The following GRIN2B variants were observed in gnomAD, a reference collection of about 807,000 sequenced individuals.
GRIN2B encodes the protein glutamate ionotropic receptor NMDA type subunit 2B.
A neutral mutation model predicts 114.5 loss-of-function variants in GRIN2B; 5 were observed. The ratio of observed to expected loss-of-function variants is 0.04; its 90% CI spans 0.02 to 0.09. GRIN2B has a LOEUF of 0.09. Ranked by LOEUF, GRIN2B falls within the 10% of genes least tolerant of loss-of-function variation. The pLI, the probability that GRIN2B is intolerant of heterozygous loss-of-function variation, is 1.00. For missense variants in GRIN2B, 1,108 were observed against 1,943.5 expected, an observed-to-expected ratio of 0.57 and a Z score of 8.08; for synonymous variants, 787 against 745.1, an observed-to-expected ratio of 1.06 and a Z score of -0.92.
At chr12:13,834,104 C>T (rs1865206772) in intron 3 of GRIN2B, among the ~76,000 whole-genome samples, 1 of 138,046 alleles carries the variant, frequency 7.2e-6, no homozygotes, top group African/African-American at 2.7e-5. Context: ...AATCTTGGCT[C>T]ACTGCAAGCT....
At chr12:13,835,771 TAAAAA>T (rs1165005583) in intron 3 of GRIN2B, among the ~76,000 whole-genome samples, 3 of 91,492 alleles carry the variant, frequency 3.3e-5, no homozygotes, top group Middle Eastern at 6.9e-3. Flanking sequence ...CATAGCACAT[TAAAAA>T]AAAAAAAAAA....
chr12:13,716,290 A>C (rs994419350), intron 4 of GRIN2B, among the ~76,000 whole-genome samples: 9 of 151,950 alleles, frequency 5.9e-5, no homozygotes, highest in African/African-American at 2.2e-4. Context: ...ATTTAGAGAC[A>C]GGAGAGTATA....
chr12:13,673,643 G>A (rs1374793724), intron 5 of GRIN2B, among the ~76,000 whole-genome samples: 1 of 152,014 alleles, frequency 6.6e-6, no homozygotes, highest in African/African-American at 2.4e-5. Context: ...AATTGGTGAG[G>A]GAAGGGATCC....
Position 13,809,866 on chromosome 12 carries a change from T to C in GRIN2B, c.411+55932A>G, listed in dbSNP as rs145225140. On this transcript the variant is annotated intron_variant, in intron 3 of 13. Transcript: ENST00000609686. ...AAACAGAAGTTCTCCAATTTTTTTC[T>C]ACACACTTAGAACATGACCCAGAAA... 2.3e-3 allele frequency among the ~76,000 whole-genome samples: 354 copies of C among 152,334 alleles called. 7 individuals are homozygous for C. The highest frequency in any genetic ancestry group is 9.7e-4 in the Non-Finnish European group (66 of 68,026).
At chr12:13,851,091 C>T (rs1046690058) in intron 3 of GRIN2B, among the ~76,000 whole-genome samples, 3 of 152,094 alleles carry the variant, frequency 2.0e-5, no homozygotes, top group Non-Finnish European at 4.4e-5. Context: ...TGGCCCACCC[C>T]ACTCTCCTCC....
intron 3 of GRIN2B, among the ~76,000 whole-genome samples, chr12:13,850,866 G>A (rs922314811): frequency 1.3e-5 from 2 of 151,834 alleles, no homozygotes; most frequent in Non-Finnish European, 2.9e-5. Flanking sequence ...TTAATAGTGC[G>A]GGCCAGTTGC....
Position 13,964,306 on chromosome 12 carries a change from A to G in GRIN2B, c.-19+15622T>C, listed in dbSNP as rs768169981. On this transcript the variant is annotated intron_variant, in intron 2 of 13. Transcript: ENST00000609686. ...ATCAATTCTGCCTTCTTCTCTAGAC[A>G]TTTTTGCCCAAATCTCAGCTCCTGG... Among the ~76,000 whole-genome samples, 20 of 152,096 alleles carry G rather than the reference A, an allele frequency of 1.3e-4. 1 individual carries two copies. The highest frequency in any genetic ancestry group is 1.0e-3 in the Admixed American group (16 of 15,268).
chr12:13,571,691 T>C, intron 11 of GRIN2B, 113 bp downstream of exon 11: 3 of 1,135,798 alleles, frequency 2.6e-6, no homozygotes, highest in Non-Finnish European at 4.0e-6. Context: ...AATGAAGTCT[T>C]CTTTAACATT....
At chr12:13,970,637 T>A (rs1265478138) in intron 2 of GRIN2B, among the ~76,000 whole-genome samples, 1 of 151,588 alleles carries the variant, frequency 6.6e-6, no homozygotes, top group African/African-American at 2.4e-5. Flanking sequence ...CTTTAACAAA[T>A]TTGATCACTT....
intron 3 of GRIN2B, among the ~76,000 whole-genome samples, chr12:13,860,179 G>A (rs1865730150): frequency 1.3e-5 from 2 of 152,218 alleles, no homozygotes; most frequent in Non-Finnish European, 2.9e-5. Flanking sequence ...GCAAGTGGGG[G>A]TAGAGGATAG....
At chr12:13,935,180 C>A (rs1867105075) in intron 2 of GRIN2B, among the ~76,000 whole-genome samples, 1 of 152,134 alleles carries the variant, frequency 6.6e-6, no homozygotes, top group Non-Finnish European at 1.5e-5. Context: ...GTAAGCTTGA[C>A]CCTGTCATAG....
At chr12:13,729,261 C>T (rs980636639) in intron 4 of GRIN2B, among the ~76,000 whole-genome samples, 4 of 152,110 alleles carry the variant, frequency 2.6e-5, no homozygotes, top group African/African-American at 4.8e-5. Context: ...CCTTGTGTAC[C>T]GCACTATCAA....
At chr12:13,828,092 G>T (rs1865081144) in intron 3 of GRIN2B, among the ~76,000 whole-genome samples, 1 of 152,220 alleles carries the variant, frequency 6.6e-6, no homozygotes, top group African/African-American at 2.4e-5. Context: ...CTGTGTATGT[G>T]TGTATGTGCA....
chr12:13,810,326 A>G (rs952419256), intron 3 of GRIN2B, among the ~76,000 whole-genome samples: 3 of 151,100 alleles, frequency 2.0e-5, no homozygotes, highest in Non-Finnish European at 4.4e-5. Flanking sequence ...AGCGATTCTC[A>G]TGCCTCAGCC....
intron 2 of GRIN2B, among the ~76,000 whole-genome samples, chr12:13,889,870 T>A (rs1377134015): frequency 6.6e-6 from 1 of 152,238 alleles, no homozygotes; most frequent in Non-Finnish European, 1.5e-5. Context: ...TACAGAGATG[T>A]ACAATCAGGG....
rs566172050 is a variant in GRIN2B at position 13,944,696 on chromosome 12, T to C, written c.-19+35232A>G. Among the ~76,000 whole-genome samples, 56 of 152,328 alleles carry C rather than the reference T, an allele frequency of 3.7e-4. 2 individuals carry two copies. In the South Asian group the frequency reaches 1.0e-2, roughly 27 times the overall value. On this transcript the variant is annotated intron_variant, in intron 2 of 13. Transcript: ENST00000609686. The stretch of plus-strand genomic sequence containing the variant: ...AACAACTTGCCCAAGGCCATGAAGT[T>C]AGTTAGGGGCAGGGACGTGAACCCA...
chr12:13,937,908 A>G (rs1867157296), intron 2 of GRIN2B, among the ~76,000 whole-genome samples: 1 of 152,142 alleles, frequency 6.6e-6, no homozygotes, highest in Admixed American at 6.6e-5. Context: ...GAAACAGGAA[A>G]TAAAAATTGG....
intron 4 of GRIN2B, among the ~76,000 whole-genome samples, chr12:13,698,375 G>C (rs960995574): frequency 7.9e-5 from 12 of 152,186 alleles, no homozygotes; most frequent in African/African-American, 2.9e-4. Flanking sequence ...TCCTTTTGTG[G>C]AGACAAGTAA....
At chr12:13,597,272 T>G (rs192833053) in intron 10 of GRIN2B, among the ~76,000 whole-genome samples, 1 of 152,286 alleles carries the variant, frequency 6.6e-6, no homozygotes, top group East Asian at 1.9e-4. Flanking sequence ...AAGGCCAATT[T>G]GCACTGACTT....
Sources: allele counts gnomAD v4.1 joint callset (sites outside exome capture counted in the v4.1 genomes callset), GRCh38; gene constraint gnomAD v4.1.1; transcripts MANE v1.5; gene names NCBI Gene and HGNC (gene_info 2026-07-23, HGNC 2026-07-21).